Variants in EBF1 observed in about 807,000 individuals in gnomAD.
EBF1 encodes EBF transcription factor 1, also known as transcription factor COE1.
A neutral mutation model predicts 68.4 loss-of-function variants in EBF1; 10 were observed. That is an observed-to-expected ratio of 0.15 (90% CI 0.09 to 0.25). The LOEUF is 0.25. EBF1 is among the 10% of genes least tolerant of loss of function. The probability of loss-of-function intolerance (pLI) is 1.00; values close to 1 mark genes in which losing one functional copy is unlikely to be tolerated. For missense variants in EBF1, 509 were observed against 794.4 expected (o/e 0.64, Z 4.32); for synonymous variants, 298 against 299.8 (o/e 0.99, Z 0.06).
intron 8 of EBF1, among the ~76,000 whole-genome samples, chr5:158,811,797 A>G (rs1782721889): frequency 6.6e-6 from 1 of 152,194 alleles, no homozygotes; most frequent in African/African-American, 2.4e-5. Flanking sequence ...TTCCAAGTTT[A>G]GTTTCTCAAA....
At chr5:158,990,600 C>T (rs1196848371) in intron 6 of EBF1, among the ~76,000 whole-genome samples, 2 of 152,162 alleles carry the variant, frequency 1.3e-5, no homozygotes, top group Non-Finnish European at 2.9e-5. Context: ...CAGAACTGGG[C>T]TCCAAGTCAG....
At chr5:158,737,112 G>A (rs1320287768) in intron 10 of EBF1, among the ~76,000 whole-genome samples, 2 of 151,980 alleles carry the variant, frequency 1.3e-5, no homozygotes, top group Non-Finnish European at 2.9e-5. Flanking sequence ...CGGAGAGAGC[G>A]AGGCTCAGGA....
At chr5:158,897,618 G>A (rs1475437555) in intron 6 of EBF1, among the ~76,000 whole-genome samples, 1 of 152,004 alleles carries the variant, frequency 6.6e-6, no homozygotes, top group Non-Finnish European at 1.5e-5. Context: ...AGTTGAAAGG[G>A]ACAGTTAACA....
intron 6 of EBF1, among the ~76,000 whole-genome samples, chr5:158,922,868 C>T (rs754770966): frequency 6.6e-6 from 1 of 152,104 alleles, no homozygotes; most frequent in Admixed American, 6.5e-5. Flanking sequence ...TTTTTCTAAC[C>T]ACTCTCTGTC....
intron 6 of EBF1, among the ~76,000 whole-genome samples, chr5:158,996,612 C>T (rs1311478363): frequency 2.0e-5 from 3 of 152,062 alleles, no homozygotes; most frequent in Non-Finnish European, 2.9e-5. Context: ...GAAAGTGAGG[C>T]GAATCTTAAC....
intron 6 of EBF1, among the ~76,000 whole-genome samples, chr5:159,044,633 A>G (rs1771956203): frequency 6.6e-6 from 1 of 152,208 alleles, no homozygotes; most frequent in African/African-American, 2.4e-5. Flanking sequence ...TAACATAAAA[A>G]TTAAAAGTAA....
intron 6 of EBF1, among the ~76,000 whole-genome samples, chr5:158,965,331 T>G (rs1753890683): frequency 6.7e-6 from 1 of 149,974 alleles, no homozygotes; most frequent in Admixed American, 6.6e-5. Context: ...ATACATATTG[T>G]TTGTTTAAAG....
chr5:158,716,824 AAC>A (rs1760821204), intron 11 of EBF1, among the ~76,000 whole-genome samples: 1 of 152,164 alleles, frequency 6.6e-6, no homozygotes, highest in Non-Finnish European at 1.5e-5. Flanking sequence ...AGAGCCACTG[AAC>A]ACACAGACAG....
intron 10 of EBF1, among the ~76,000 whole-genome samples, chr5:158,761,049 A>G (rs760705195): frequency 5.3e-5 from 8 of 152,200 alleles, no homozygotes; most frequent in Admixed American, 2.6e-4. Context: ...AAAAGTGCAA[A>G]TCCTTTAAAA....
At chr5:158,970,804 T>C (rs1261948944) in intron 6 of EBF1, among the ~76,000 whole-genome samples, 3 of 152,208 alleles carry the variant, frequency 2.0e-5, no homozygotes, top group African/African-American at 7.2e-5. Flanking sequence ...CTCTTGGAAT[T>C]TGTAATTCTC....
intron 6 of EBF1, among the ~76,000 whole-genome samples, chr5:158,858,429 T>A (rs1025633664): frequency 6.6e-6 from 1 of 152,186 alleles, no homozygotes; most frequent in Non-Finnish European, 1.5e-5. Context: ...TGGATAACAA[T>A]GTCATCATTA....
At chr5:159,084,829 A>G (rs540514851) in intron 4 of EBF1, 90 bp from the exon 5 acceptor site, 4 of 1,176,436 alleles carry the variant, frequency 3.4e-6, no homozygotes, top group South Asian at 1.8e-5. Flanking sequence ...CCACTTCACC[A>G]CTACTGAAGG....
intron 8 of EBF1, among the ~76,000 whole-genome samples, chr5:158,799,778 T>A (rs1780259212): frequency 6.6e-6 from 1 of 152,178 alleles, no homozygotes; most frequent in Non-Finnish European, 1.5e-5. Flanking sequence ...GGTGACCCCA[T>A]AAAAATGCAG....
chr5:158,740,943 C>G (rs1457674291), intron 10 of EBF1, among the ~76,000 whole-genome samples: 1 of 152,198 alleles, frequency 6.6e-6, no homozygotes, highest in Non-Finnish European at 1.5e-5. Flanking sequence ...CATCCCTAAG[C>G]CAAAAGCAAT....
rs61732786 is a variant in EBF1, at chr5:159,095,608, C to A, written c.411+12G>T. On this transcript the variant is annotated intron_variant, in intron 4 of 15. Transcript: ENST00000313708. ...CATAGAGCCCCCCGTGGCCCAAAATCAAGAAACTTACTTGTTTTGTCATGG... is the reference window on the plus strand; with the variant it reads ...CATAGAGCCCCCCGTGGCCCAAAATAAAGAAACTTACTTGTTTTGTCATGG... 4,885 of 1,613,730 alleles carry A rather than the reference C, an allele frequency of 3.0e-3. 142 individuals carry two copies. The African/African-American group carries it at 0.059, about 20-fold the overall frequency.
At position 158,777,543 on chromosome 5, in the gene EBF1, G is replaced by C; in HGVS notation, c.910-4C>G. On this transcript the variant is annotated splice_region_variant and splice_polypyrimidine_tract_variant and intron_variant, in intron 9 of 15. Transcript: ENST00000313708. ...GGATGGCATGAGGAGTGATCAACTG[G>C]AGGAGACATTTGGGGGGAAAAATTG... 1 of 1,598,434 alleles carries C rather than the reference G, an allele frequency of 6.3e-7. No homozygotes were observed. The highest frequency in any genetic ancestry group is 8.5e-7 in the Non-Finnish European group (1 of 1,172,016).
intron 6 of EBF1, among the ~76,000 whole-genome samples, chr5:159,053,605 T>TCACACACACACACA (rs3062333): frequency 6.8e-6 from 1 of 146,308 alleles, no homozygotes; most frequent in African/African-American, 2.6e-5. Flanking sequence ...TCTCTCTCTC[T>TCACACACACACACA]CACACACACA....
intron 7 of EBF1, among the ~76,000 whole-genome samples, chr5:158,838,875 A>C (rs907819703): frequency 2.3e-4 from 28 of 120,292 alleles, no homozygotes; most frequent in African/African-American, 8.7e-4. Flanking sequence ...ACTAACATTG[A>C]CCATACAAAT....
At position 158,756,989 on chromosome 5, in the gene EBF1, A is replaced by G. The variant is rs573515414; in HGVS notation, c.1036+20424T>C. 1.1e-4 allele frequency among the ~76,000 whole-genome samples: 16 copies of G among 151,584 alleles called. No individual in the cohort carries two copies. The South Asian group carries it at 2.5e-3, about 24-fold the overall frequency. On this transcript the variant is annotated intron_variant, in intron 10 of 15. Coordinates refer to ENST00000313708, the MANE Select transcript of EBF1 (RefSeq NM_024007.5). ...TCACCCTCATGCTGAAAAAAAAAAA[A>G]AAAAGAAAAAGAAAGTGGGCTCATT...
Sources: gnomAD v4.1 joint callset for allele counts (sites outside exome capture counted in the v4.1 genomes callset) on GRCh38, gnomAD v4.1.1 for gene constraint, MANE v1.5 for transcripts, NCBI Gene and HGNC (gene_info 2026-07-23, HGNC 2026-07-21) for gene names.